Variants in NTMT1 observed in about 807,000 individuals in gnomAD.
NTMT1 encodes N-terminal RCC1 methyltransferase.
NTMT1 carries 8 observed loss-of-function variants against 17.5 expected under a neutral mutation model. The ratio of observed to expected loss-of-function variants is 0.46; its 90% CI spans 0.27 to 0.82. The LOEUF is 0.82. Ranked by LOEUF, NTMT1 falls within the 40% of genes least tolerant of loss-of-function variation. NTMT1 has a pLI of 0.15. For missense variants in NTMT1, 221 were observed against 303.5 expected, an observed-to-expected ratio of 0.73 and a Z score of 2.02; for synonymous variants, 128 against 126.8, an observed-to-expected ratio of 1.01 and a Z score of -0.06.
intron 1 of NTMT1, among the ~76,000 whole-genome samples, chr9:129,610,646 T>C (rs1024899566): frequency 1.3e-5 from 2 of 151,892 alleles, no homozygotes; most frequent in East Asian, 1.9e-4. Flanking sequence ...TTTCCGACCC[T>C]GGAGCGAGAG....
chr9:129,612,572 T>A, intron 1 of NTMT1: 1 of 751,046 alleles, frequency 1.3e-6, no homozygotes. Context: ...AGCCCCATTT[T>A]AAAAGATGAG....
At chr9:129,629,609 G>C (rs1418514840) in intron 1 of NTMT1, among the ~76,000 whole-genome samples, 1 of 152,146 alleles carries the variant, frequency 6.6e-6, no homozygotes, top group Non-Finnish European at 1.5e-5. Context: ...CCCAGTGCTG[G>C]GACACCAGTG....
chr9:129,633,121 C>A, intron 2 of NTMT1: 4 of 501,790 alleles, frequency 8.0e-6, no homozygotes, highest in Non-Finnish European at 1.4e-5. Context: ...GCAAACCTCT[C>A]TTCAACTGTT....
In NTMT1 at chr9:129,614,841, G is replaced by T. The variant is rs1830273084; in HGVS notation, c.-55+5663G>T. On this transcript the variant is annotated intron_variant, in intron 1 of 3. Transcript: ENST00000372486. The surrounding 1 kb of genome is among the most constrained non-coding windows in gnomAD (Gnocchi z 4.4). ...GGCATGAACCCGGGAGGTGGAGCTT[G>T]CAGCGAGCCGAGATCGCGCCACTGC... Among the ~76,000 whole-genome samples the T allele has an allele frequency of 6.6e-6, 1 of 152,138 alleles. No homozygotes were observed. Among genetic ancestry groups the T allele is most frequent in the African/African-American group, 2.4e-5 (1 of 41,420 alleles).
rs565257653 is a variant in NTMT1 at position 129,632,632 on chromosome 9, G to GC, written c.-54-13dup. 188 of 1,579,416 alleles carry GC rather than the reference G, an allele frequency of 1.2e-4. 3 individuals carry two copies. The South Asian group carries it at 2.0e-3, about 16-fold the overall frequency. ...CCAGGTCCCTGGCCCGCTGACTCAC[G>GC]CCCCCTTCCTTACCCAGGAGAGTCG... On this transcript the variant is annotated splice_polypyrimidine_tract_variant and intron_variant, in intron 1 of 3. Coordinates refer to ENST00000372483, the MANE Select transcript of NTMT1 (RefSeq NM_014064.4).
At chr9:129,627,834 C>T (rs752044542) in intron 1 of NTMT1, among the ~76,000 whole-genome samples, 1 of 152,338 alleles carries the variant, frequency 6.6e-6, no homozygotes, top group Non-Finnish European at 1.5e-5. Flanking sequence ...AACTTTTAGG[C>T]AGGCTTTTCC....
chr9:129,610,571 G>A (rs1041304857), intron 1 of NTMT1, among the ~76,000 whole-genome samples: 1 of 152,022 alleles, frequency 6.6e-6, no homozygotes, highest in Non-Finnish European at 1.5e-5. Context: ...CCGGAGCGGG[G>A]CTGTGCGGAG....
rs1830179165 is a variant in NTMT1, at chr9:129,613,346, C to T, written c.-55+4168C>T. On this transcript the variant is annotated intron_variant, in intron 1 of 3. Transcript: ENST00000372486. This position sits in a 1 kb window ranked among gnomAD's most constrained non-coding sequence, Gnocchi z 6.2. ...CTTGAGGACCCACACTGGCAACCCG[C>T]CTGCTGCTGGGTGGGGAGGTCTGTA... The T allele has an allele frequency of 6.4e-7, 1 of 1,570,274 alleles. No homozygotes were observed. Among genetic ancestry groups the T allele is most frequent in the Admixed American group, 1.8e-5 (1 of 55,456 alleles).
rs763032856 is a variant in NTMT1 at position 129,613,550 on chromosome 9, A to T, written c.-55+4372A>T. The T allele has an allele frequency of 1.2e-6, 2 of 1,614,112 alleles. No homozygotes were observed. Among genetic ancestry groups the T allele is most frequent in the Non-Finnish European group, 1.7e-6 (2 of 1,180,004 alleles). ...CCGACACTCCCAAACACCCGCTCGG[A>T]CGCCACTGGCAGGGCGGCCTTCTGG... is the stretch of plus-strand genomic sequence containing the variant. On this transcript the variant is annotated intron_variant, in intron 1 of 3. Coordinates refer to the NTMT1 transcript ENST00000372486. This position sits in a 1 kb window ranked among gnomAD's most constrained non-coding sequence, Gnocchi z 6.2.
Position 129,620,260 on chromosome 9 carries a change from C to G in NTMT1, c.-55+11082C>G. 7.5e-7 allele frequency: 1 copy of G among 1,333,512 alleles called. No individual in the cohort carries two copies. Among genetic ancestry groups the G allele is most frequent in the African/African-American group, 1.5e-5 (1 of 65,198 alleles). The allele number at this position is 1,333,512 out of a possible 1,614,324, so 82.6% of individuals were successfully genotyped here. A position where few individuals can be genotyped will look rare whatever the true frequency, so the allele number is the denominator to read the frequency against. ...ATTCCCGGGACGCGCCGGCCGACAG[C>G]AGGGGAGGCGGCAGCAGGGACCGCA... On this transcript the variant is annotated intron_variant, in intron 1 of 3. Transcript: ENST00000372486. The surrounding 1 kb of genome is among the most constrained non-coding windows in gnomAD (Gnocchi z 5.8).
At position 129,614,221 on chromosome 9, in the gene NTMT1, A is replaced by G. The variant is rs546724520; in HGVS notation, c.-55+5043A>G. ...GGGGCCCGGGGTCACTCTGGCTTCT[A>G]TATGTGGCTCTGCGTCACCCACACA... On this transcript the variant is annotated intron_variant, in intron 1 of 3. Transcript: ENST00000372486. The surrounding 1 kb of genome is among the most constrained non-coding windows in gnomAD (Gnocchi z 4.4). 6.6e-6 allele frequency among the ~76,000 whole-genome samples: 1 copy of G among 152,254 alleles called. No individual in the cohort carries two copies. Among genetic ancestry groups the G allele is most frequent in the South Asian group, 2.1e-4 (1 of 4,824 alleles).
chr9:129,632,588 T>A, intron 1 of NTMT1, 62 bp from the exon 2 acceptor site: 1 of 1,247,156 alleles, frequency 8.0e-7, no homozygotes, highest in South Asian at 1.4e-5. Flanking sequence ...ACTGGCCCTC[T>A]GCCCTGGGGG....
At position 129,609,466 on chromosome 9, in the gene NTMT1, G is replaced by A. The variant is rs1830065202; in HGVS notation, c.-55+288G>A. On this transcript the variant is annotated intron_variant, in intron 1 of 3. Coordinates refer to the NTMT1 transcript ENST00000372486. ...CGCCTGCCTTGATCCCAGCTGCTCA[G>A]ATGGGTCTGAGTTGGGGGGAGCAGA... Among the ~76,000 whole-genome samples the A allele has an allele frequency of 2.0e-5, 3 of 152,140 alleles. No homozygotes were observed. The South Asian group carries it at 6.2e-4, about 31-fold the overall frequency.
At chr9:129,623,521 T>C (rs12380748), upstream of NTMT1, among the ~76,000 whole-genome samples, 418 of 152,246 alleles carry the variant, frequency 2.7e-3, no homozygotes, top group Non-Finnish European at 3.8e-3. Flanking sequence ...ATTGTGAAGC[T>C]GGGGTGGGAG....
Position 129,635,590 on chromosome 9 carries a change from C to A in NTMT1, c.*126C>A. 2 of 1,172,458 alleles carry A rather than the reference C, an allele frequency of 1.7e-6. No homozygotes were observed. Among genetic ancestry groups the A allele is most frequent in the Admixed American group, 2.2e-5 (1 of 44,902 alleles). 72.6% of individuals were successfully genotyped at this position (1,172,458 alleles called of 1,614,324 possible). A position where few individuals can be genotyped will look rare whatever the true frequency, so the allele number is the denominator to read the frequency against. On this transcript the variant is annotated 3_prime_UTR_variant, in exon 4 of 4. Coordinates refer to ENST00000372483, the MANE Select transcript of NTMT1 (RefSeq NM_014064.4). ...GGCACCACTAAATATAGCTGTCTGC[C>A]GTCCACTCATTATGCGGGCTCTTCT...
Position 129,634,084 on chromosome 9 carries a change from G to T in NTMT1, c.193G>T (p.Ala65Ser). ...EGPNKTGTSCALDCGAGIGRI... is the reference protein window; with the variant it reads ...EGPNKTGTSCSLDCGAGIGRI... ...CCCGAACAAGACAGGAACGTCCTGTGCCCTGGACTGTGGAGCTGGCATTGG... is the reference window on the plus strand; with the variant it reads ...CCCGAACAAGACAGGAACGTCCTGTTCCCTGGACTGTGGAGCTGGCATTGG... The change falls in exon 3 of 4, where the codon GCC becomes TCC. Residue 65 changes from alanine (A) to serine (S), a missense_variant. Transcript: ENST00000372483. The T allele has an allele frequency of 6.2e-7, 1 of 1,614,070 alleles. No homozygotes were observed. The highest frequency in any genetic ancestry group is 1.1e-5 in the South Asian group (1 of 91,066).
intron 1 of NTMT1, among the ~76,000 whole-genome samples, chr9:129,610,929 T>C (rs1830101215): frequency 1.3e-5 from 2 of 152,148 alleles, no homozygotes; most frequent in African/African-American, 4.8e-5. Flanking sequence ...CCACTCCTCG[T>C]CCTAGATGTG....
chr9:129,635,064 C>T (rs1831449733), intron 3 of NTMT1, 144 bp from the exon 4 acceptor site: 11 of 927,182 alleles, frequency 1.2e-5, no homozygotes, highest in South Asian at 9.7e-5. Context: ...GTAAATCTCT[C>T]GGGACTGAGA....
In NTMT1 at chr9:129,617,678, T is replaced by G. The variant is rs1022192154; in HGVS notation, c.-55+8500T>G. The stretch of plus-strand genomic sequence containing the variant: ...TGAGGTTGGTAAATGTGTTTCACTG[T>G]TTTTGTTTGTTTGTTTGTTTTTTGA... On this transcript the variant is annotated intron_variant, in intron 1 of 3. Transcript: ENST00000372486. 5.3e-4 allele frequency among the ~76,000 whole-genome samples: 80 copies of G among 150,558 alleles called. 1 individual carries two copies. The highest frequency in any genetic ancestry group is 3.1e-3 in the Admixed American group (47 of 15,062).
Sources: gnomAD v4.1 joint callset for allele counts (sites outside exome capture counted in the v4.1 genomes callset) on GRCh38, gnomAD v4.1.1 for gene constraint, Gnocchi (gnomAD v3.1) non-coding constraint, MANE v1.5 for transcripts, NCBI Gene and HGNC (gene_info 2026-07-23, HGNC 2026-07-21) for gene names.